Variants in MBD2 observed in about 807,000 individuals in gnomAD.
MBD2 encodes methyl-CpG binding domain protein 2.
Under a neutral mutation model 39.3 loss-of-function variants are expected in MBD2, and 9 were observed. That is an observed-to-expected ratio of 0.23 (90% CI 0.14 to 0.40). The LOEUF (loss-of-function observed/expected upper bound fraction) is 0.40. Among genes scored for constraint, MBD2 ranks in the 10% least tolerant of loss-of-function variants. The pLI is 1.00. For synonymous variants in MBD2, 233 were observed against 211.1 expected (o/e 1.10, Z -0.90); for missense variants, 458 against 532.6 (o/e 0.86, Z 1.38).
chr18:54,222,320 T>A (rs776719754), intron 1 of MBD2: 2 of 516,914 alleles, frequency 3.9e-6, no homozygotes, highest in African/African-American at 3.9e-5. Flanking sequence ...ACTGGCACAG[T>A]CCCAGGGCAA....
At chr18:54,218,275 T>C (rs938896174) in intron 1 of MBD2, among the ~76,000 whole-genome samples, 5 of 152,260 alleles carry the variant, frequency 3.3e-5, no homozygotes, top group Non-Finnish European at 5.9e-5. Flanking sequence ...GCTTTAATTA[T>C]GTGGATTTAT....
intron 1 of MBD2, among the ~76,000 whole-genome samples, chr18:54,217,413 T>C (rs1177287340): frequency 2.0e-5 from 3 of 152,212 alleles, no homozygotes; most frequent in Admixed American, 1.3e-4. Context: ...TAAAACACCA[T>C]ATTACAAAAT....
At chr18:54,202,881 A>C (rs762553655) in intron 2 of MBD2, 4 of 1,233,012 alleles carry the variant, frequency 3.2e-6, no homozygotes, top group Non-Finnish European at 4.8e-6. Flanking sequence ...ACAATGGCAA[A>C]GCACCAGGGA....
intron 3 of MBD2, among the ~76,000 whole-genome samples, chr18:54,171,511 C>A (rs2086179503): frequency 6.6e-6 from 1 of 151,984 alleles, no homozygotes; most frequent in Non-Finnish European, 1.5e-5. Flanking sequence ...TCCTTGCAGA[C>A]AACAAGAGGA....
chr18:54,174,196 C>G (rs2086195741), intron 3 of MBD2, among the ~76,000 whole-genome samples: 1 of 152,048 alleles, frequency 6.6e-6, no homozygotes, highest in Non-Finnish European at 1.5e-5. Context: ...TTGTGACAAC[C>G]GAAAAATATC....
chr18:54,194,184 A>T (rs2086345714), intron 2 of MBD2, among the ~76,000 whole-genome samples: 1 of 151,182 alleles, frequency 6.6e-6, no homozygotes, highest in Admixed American at 6.6e-5. Context: ...ATTTTAATGT[A>T]ATCAGTTGCA....
intron 1 of MBD2, 29 bp downstream of exon 1, chr18:54,223,989 C>T: frequency 1.3e-6 from 2 of 1,493,102 alleles, no homozygotes; most frequent in Non-Finnish European, 1.8e-6. Context: ...CCTGACCCCG[C>T]CACCCCCTCC....
At chr18:54,218,766 G>A (rs1387989486) in intron 1 of MBD2, among the ~76,000 whole-genome samples, 1 of 152,122 alleles carries the variant, frequency 6.6e-6, no homozygotes, top group Admixed American at 6.6e-5. Context: ...TTCAAGACCA[G>A]CCTGACCAAC....
At chr18:54,172,924 A>G (rs1409404641) in intron 3 of MBD2, among the ~76,000 whole-genome samples, 1 of 152,276 alleles carries the variant, frequency 6.6e-6, no homozygotes. Flanking sequence ...ACACTTGAAC[A>G]TGCCCAGTAC....
intron 1 of MBD2, among the ~76,000 whole-genome samples, chr18:54,216,787 G>C (rs1197498991): frequency 6.6e-6 from 1 of 152,130 alleles, no homozygotes; most frequent in Non-Finnish European, 1.5e-5. Context: ...GGGATGATGG[G>C]CCAGGCGCGG....
At chr18:54,167,878 C>T (rs2086146052) in intron 3 of MBD2, among the ~76,000 whole-genome samples, 1 of 151,246 alleles carries the variant, frequency 6.6e-6, no homozygotes, top group African/African-American at 2.4e-5. Flanking sequence ...CCCAAGAAAA[C>T]CTGCCCTGCC....
chr18:54,164,645 C>T lies in MBD2; in HGVS notation c.987G>A (p.Leu329=), dbSNP rs1404587785. 8 of 1,614,058 alleles carry T rather than the reference C, an allele frequency of 5.0e-6. No individual in the cohort carries two copies. The highest frequency in any genetic ancestry group is 6.8e-6 in the Non-Finnish European group (8 of 1,179,968). The change falls in exon 5 of 7, where the codon TTG becomes TTA. Residue 329 remains leucine, a synonymous_variant. Transcript: ENST00000256429. ...CTGTGATTGGCGCAGAGCTTGTGTG[C>T]AAAGCACTGGCAACAGCAGATAAAA... The part of the protein sequence containing the change: ...ETLLSAVASA[L]HTSSAPITGQ...
chr18:54,180,802 C>T (rs541961992), intron 3 of MBD2, among the ~76,000 whole-genome samples: 520 of 151,914 alleles, frequency 3.4e-3, no homozygotes, highest in Non-Finnish European at 5.1e-3. Context: ...CACAGATCCT[C>T]CCTCATGACA....
In MBD2 at chr18:54,164,655, G is replaced by C; in HGVS notation, c.977C>G (p.Ala326Gly). 6.2e-7 allele frequency: 1 copy of C among 1,613,774 alleles called. No individual in the cohort carries two copies. Among genetic ancestry groups the C allele is most frequent in the Non-Finnish European group, 8.5e-7 (1 of 1,179,694 alleles). ...CGCAGAGCTTGTGTGCAAAGCACTG[G>C]CAACAGCAGATAAAAGGGTCTCATC... Reference protein sequence around the residue: ...SNDETLLSAVASALHTSSAPI... With the variant: ...SNDETLLSAVGSALHTSSAPI... Residue 326 changes from alanine to glycine, a missense_variant, in exon 5 of 7, where the codon GCC (alanine) becomes GGC (glycine). By Grantham distance (60) the Ala-to-Gly change is moderately conservative. This residue lies in a region of MBD2 where 189 missense variants were observed against 296.6 expected (regional missense o/e 0.64). Coordinates refer to ENST00000256429, the MANE Select transcript of MBD2 (RefSeq NM_003927.5).
At chr18:54,202,789 C>G (rs936205983) in intron 2 of MBD2, 1 of 1,535,618 alleles carries the variant, frequency 6.5e-7, no homozygotes, top group African/African-American at 1.4e-5. Context: ...AAGTACCTAC[C>G]GTGTGCAAAA....
intron 1 of MBD2, among the ~76,000 whole-genome samples, chr18:54,206,562 G>T (rs2086451148): frequency 6.6e-6 from 1 of 152,178 alleles, no homozygotes; most frequent in Admixed American, 6.5e-5. Flanking sequence ...CTTGGAACAA[G>T]AAAACTTCTA....
intron 1 of MBD2, among the ~76,000 whole-genome samples, chr18:54,208,857 T>C (rs2144337002): frequency 6.6e-6 from 1 of 152,326 alleles, no homozygotes; most frequent in African/African-American, 2.4e-5. Flanking sequence ...TCATTTTAGA[T>C]CTCTCCCCCA....
chr18:54,162,066 G>T (rs1568077984), intron 5 of MBD2, among the ~76,000 whole-genome samples: 1 of 152,260 alleles, frequency 6.6e-6, no homozygotes, highest in African/African-American at 2.4e-5. Context: ...AAAACACAAG[G>T]CATGAATTCT....
chr18:54,215,787 C>T (rs1359050283), intron 1 of MBD2, among the ~76,000 whole-genome samples: 1 of 151,078 alleles, frequency 6.6e-6, no homozygotes, highest in African/African-American at 2.4e-5. Context: ...AGCCACCAAG[C>T]CCGGCCTTTT....
Sources: allele counts gnomAD v4.1 joint callset (sites outside exome capture counted in the v4.1 genomes callset), GRCh38; gene constraint gnomAD v4.1.1; regional missense constraint gnomAD v4.1.1; transcripts MANE v1.5; gene names NCBI Gene and HGNC (gene_info 2026-07-23, HGNC 2026-07-21).